The following ACO1 variants were observed in gnomAD, a reference collection of about 807,000 sequenced individuals.
The protein encoded by ACO1 is aconitase 1.
Under a neutral mutation model 105.1 loss-of-function variants are expected in ACO1, and 78 were observed. That is an observed-to-expected ratio of 0.74 (90% CI 0.62 to 0.90). ACO1 has a LOEUF of 0.90. Ranked by LOEUF, ACO1 falls within the 40% of genes least tolerant of loss-of-function variation. The pLI is 0.00. For synonymous variants in ACO1, 364 were observed against 397.4 expected (o/e 0.92, Z 1.00); for missense variants, 965 against 1,111.1 (o/e 0.87, Z 1.87).
rs1182113291 is a variant in ACO1, at chr9:32,430,503, C to A, written c.1655C>A (p.Ala552Asp). 14 of 1,611,750 alleles carry A rather than the reference C, an allele frequency of 8.7e-6. No individual in the cohort carries two copies. Among genetic ancestry groups the A allele is most frequent in the Non-Finnish European group, 1.2e-5 (14 of 1,179,250 alleles). ...CCCAACACCCGGGCCAACTATTTAG[C>A]CTCTCCCCCCTTAGTAATAGCATAT... is the stretch of plus-strand genomic sequence containing the variant. ...VHPNTRANYL[A>D]SPPLVIAYAI... The change falls in exon 14 of 21, where the codon GCC becomes GAC. Residue 552 changes from alanine (A) to aspartate (D), a missense_variant. Physicochemically the swap from Ala to Asp is moderately radical, Grantham distance 126. Transcript: ENST00000309951.
intron 15 of ACO1, 111 bp from the exon 16 acceptor site, chr9:32,433,617 T>A (rs1822288252): frequency 1.3e-6 from 1 of 768,364 alleles, no homozygotes; most frequent in Middle Eastern, 2.6e-4. Context: ...CTATTGAGAA[T>A]AAAAATGGTT....
chr9:32,440,975 G>C (rs1822467831), intron 19 of ACO1, among the ~76,000 whole-genome samples: 1 of 152,152 alleles, frequency 6.6e-6, no homozygotes, highest in South Asian at 2.1e-4. Flanking sequence ...TGTTCCAGGT[G>C]AATGTCAGGA....
intron 1 of ACO1, among the ~76,000 whole-genome samples, chr9:32,389,409 T>G (rs916406607): frequency 3.9e-5 from 6 of 152,202 alleles, no homozygotes; most frequent in African/African-American, 1.4e-4. Flanking sequence ...ACACCTGGTA[T>G]GTTGAGGACA....
At chr9:32,421,050 A>G (rs780753581) in intron 8 of ACO1, 23 bp downstream of exon 8, 4 of 1,602,232 alleles carry the variant, frequency 2.5e-6, no homozygotes, top group African/African-American at 1.3e-5. Flanking sequence ...CCCTGAAAGC[A>G]TCGGGCTTTT....
chr9:32,429,323 T>G (rs1822172973), intron 12 of ACO1, 96 bp from the exon 13 acceptor site: 11 of 1,161,402 alleles, frequency 9.5e-6, no homozygotes, highest in Non-Finnish European at 1.3e-5. Flanking sequence ...CTGCAATTCC[T>G]TTTTGAACAG....
rs1822440153 is a variant in ACO1, at chr9:32,439,928, C to T, written c.2248-537C>T. 6.6e-6 allele frequency among the ~76,000 whole-genome samples: 1 copy of T among 152,310 alleles called. No homozygotes were observed. The highest frequency in any genetic ancestry group is 2.1e-4 in the South Asian group (1 of 4,830). On this transcript the variant is annotated intron_variant, in intron 18 of 20. Transcript: ENST00000309951. The surrounding 1 kb of genome is among the most constrained non-coding windows in gnomAD (Gnocchi z 4.0). ...TCTAATGTTTTTATAAAACCAACAA[C>T]AATTAGGCATTTCTGTCAAAAGAAT...
At chr9:32,418,964 G>T in intron 6 of ACO1, 74 bp from the exon 7 acceptor site, 1 of 1,447,032 alleles carries the variant, frequency 6.9e-7, no homozygotes, top group East Asian at 2.5e-5. Flanking sequence ...ACCTGTTAAT[G>T]TCACTAAATT....
intron 1 of ACO1, among the ~76,000 whole-genome samples, chr9:32,402,453 C>G (rs1233886713): frequency 1.3e-5 from 2 of 152,136 alleles, no homozygotes; most frequent in South Asian, 2.1e-4. Flanking sequence ...AACAAAGTAG[C>G]AGGAGGAGAG....
At chr9:32,418,065 A>G (rs898816838) in intron 4 of ACO1, 63 bp from the exon 5 acceptor site, 8 of 1,481,172 alleles carry the variant, frequency 5.4e-6, no homozygotes, top group Non-Finnish European at 7.5e-6. Context: ...TTCATCACCA[A>G]TAAATTTGAC....
At chr9:32,433,964 T>C in intron 16 of ACO1, 132 bp downstream of exon 16, 1 of 714,454 alleles carries the variant, frequency 1.4e-6, no homozygotes, top group Non-Finnish European at 2.2e-6. Flanking sequence ...AAGCAGATAC[T>C]GCTGGGGAAA....
chr9:32,435,532 T>C (rs1587549215), intron 17 of ACO1, among the ~76,000 whole-genome samples: 1 of 152,184 alleles, frequency 6.6e-6, no homozygotes, highest in African/African-American at 2.4e-5. Flanking sequence ...GATTAAATAA[T>C]ATTAACACAC....
chr9:32,401,907 G>C (rs1399840217), intron 1 of ACO1, among the ~76,000 whole-genome samples: 2 of 152,174 alleles, frequency 1.3e-5, no homozygotes, highest in South Asian at 2.1e-4. Flanking sequence ...AAGTCACCCA[G>C]CTAGTATTTC....
chr9:32,447,616 G>A (rs1822645995), intron 19 of ACO1, among the ~76,000 whole-genome samples: 1 of 152,054 alleles, frequency 6.6e-6, no homozygotes, highest in South Asian at 2.1e-4. Flanking sequence ...TTGATGGTGA[G>A]GAGTTGTGAT....
At position 32,434,629 on chromosome 9, in the gene ACO1, C is replaced by T. The variant is rs559965283; in HGVS notation, c.2027C>T (p.Thr676Ile). 1.9e-6 allele frequency: 3 copies of T among 1,614,068 alleles called. No individual in the cohort carries two copies. Among genetic ancestry groups the T allele is most frequent in the Middle Eastern group, 1.6e-4 (1 of 6,062 alleles). ...CTGCTAAATTTGGGAGATTCGGTAA[C>T]AACTGACCACATCTCCCCAGCTGGA... is the stretch of plus-strand genomic sequence containing the variant. The part of the protein sequence containing the change: ...YVLLNLGDSV[T>I]TDHISPAGNI... Residue 676 changes from threonine (T) to isoleucine (I), a missense_variant, in exon 17 of 21, where the codon ACA becomes ATA. Transcript: ENST00000309951.
intron 19 of ACO1, among the ~76,000 whole-genome samples, chr9:32,442,872 C>T (rs1166242238): frequency 6.6e-6 from 1 of 152,130 alleles, no homozygotes; most frequent in African/African-American, 2.4e-5. Flanking sequence ...TCTACATCCC[C>T]GGGTTAGTGG....
chr9:32,426,022 A>G (rs1459210380), intron 11 of ACO1, 25 bp downstream of exon 11: 3 of 1,608,010 alleles, frequency 1.9e-6, no homozygotes, highest in Non-Finnish European at 2.6e-6. Flanking sequence ...CTCCATCCTC[A>G]TGGTCATACA....
intron 8 of ACO1, among the ~76,000 whole-genome samples, chr9:32,422,594 C>A (rs1821998787): frequency 6.6e-6 from 1 of 152,100 alleles, no homozygotes; most frequent in South Asian, 2.1e-4. Context: ...ATCTCCTACC[C>A]CGGGATCTTG....
At position 32,450,276 on chromosome 9, in the gene ACO1, A is replaced by G. The variant is rs1243342615; in HGVS notation, c.*165A>G. On this transcript the variant is annotated 3_prime_UTR_variant, in exon 21 of 21. Coordinates refer to ENST00000309951, the MANE Select transcript of ACO1 (RefSeq NM_002197.3). ...CCAATCCTGTAGGCACAAAACCAGA[A>G]GTTTCTACATTCTCTATTTTTGTTA... 8.3e-6 allele frequency: 6 copies of G among 722,296 alleles called. No individual in the cohort carries two copies. Among genetic ancestry groups the G allele is most frequent in the South Asian group, 4.5e-5 (3 of 67,230 alleles). The allele number at this position is 722,296 out of a possible 1,614,324, so 44.7% of individuals were successfully genotyped here.
intron 1 of ACO1, among the ~76,000 whole-genome samples, chr9:32,399,972 T>TG (rs56237504): frequency 0.15 from 19,059 of 124,918 alleles, 1,867 homozygotes; most frequent in South Asian, 0.31. Context: ...TTCTGTTTTT[T>TG]TTTTTTTTTT....
Sources: allele counts gnomAD v4.1 joint callset (sites outside exome capture counted in the v4.1 genomes callset), GRCh38; gene constraint gnomAD v4.1.1; non-coding constraint Gnocchi (gnomAD v3.1); transcripts MANE v1.5; gene names NCBI Gene and HGNC (gene_info 2026-07-23, HGNC 2026-07-21).